Variants in AK9 observed in about 807,000 individuals in gnomAD.
The protein encoded by AK9 is adenylate kinase 9.
A neutral mutation model predicts 239.6 loss-of-function variants in AK9; 191 were observed. The observed-to-expected ratio is 0.80, with a 90% confidence interval of 0.71 to 0.90. The LOEUF (loss-of-function observed/expected upper bound fraction) is 0.90. Ranked by LOEUF, AK9 falls within the 40% of genes least tolerant of loss-of-function variation. AK9 has a pLI of 0.00. For synonymous variants in AK9, 689 were observed against 721.0 expected (o/e 0.96, Z 0.71); for missense variants, 1,995 against 2,214.7 (o/e 0.90, Z 1.99).
chr6:109,598,759 C>T (rs979223798), intron 17 of AK9, among the ~76,000 whole-genome samples: 17 of 152,214 alleles, frequency 1.1e-4, no homozygotes, highest in South Asian at 8.3e-4. Context: ...TTTTAATGAT[C>T]GCCATTCTAA....
intron 17 of AK9, among the ~76,000 whole-genome samples, chr6:109,591,164 G>A (rs1299877881): frequency 6.6e-6 from 1 of 151,842 alleles, no homozygotes; most frequent in African/African-American, 2.4e-5. Context: ...TCTTTTCTTA[G>A]GTCTAGTTGT....
chr6:109,588,261 G>A (rs1451769368), intron 17 of AK9, among the ~76,000 whole-genome samples: 1 of 152,018 alleles, frequency 6.6e-6, no homozygotes, highest in South Asian at 2.1e-4. Flanking sequence ...AGTAGAGACG[G>A]GGTTTCACCG....
chr6:109,569,762 T>C (rs1047396136), intron 21 of AK9, among the ~76,000 whole-genome samples: 1 of 152,074 alleles, frequency 6.6e-6, no homozygotes. Flanking sequence ...ATGGCAATCA[T>C]TAAAAAGTCA....
intron 5 of AK9, among the ~76,000 whole-genome samples, chr6:109,667,802 T>C (rs968721898): frequency 2.0e-5 from 3 of 152,216 alleles, no homozygotes; most frequent in Non-Finnish European, 4.4e-5. Flanking sequence ...CAGTCTATCA[T>C]CGTTGGACAT....
Position 109,529,023 on chromosome 6 carries a change from T to A in AK9, c.3621A>T (p.Lys1207Asn). 4 of 1,604,668 alleles carry A rather than the reference T, an allele frequency of 2.5e-6. No homozygotes were observed. Among genetic ancestry groups the A allele is most frequent in the Non-Finnish European group, 3.4e-6 (4 of 1,177,338 alleles). Residue 1207 changes from lysine (K) to asparagine (N), a missense_variant, in exon 29 of 41, where the codon AAA becomes AAT. Physicochemically the swap from Lys to Asn is moderately conservative, Grantham distance 94. Around this residue, in one of 5 missense-constraint regions of AK9, gnomAD observed 1,290 missense variants for 1,392.7 expected, o/e 0.93. Coordinates refer to ENST00000424296, the MANE Select transcript of AK9 (RefSeq NM_001145128.3). ...RRAELILERD[K>N]KRRENVVRDD... ...CAAAACTACTTACCTCCCTCCTTTT[T>A]TTATCTCTCTCTAATATAAGTTCAG...
chr6:109,608,127 A>T (rs1362275048), intron 17 of AK9, among the ~76,000 whole-genome samples: 1 of 151,922 alleles, frequency 6.6e-6, no homozygotes. Flanking sequence ...AAAATACAAA[A>T]AATTAGCCAG....
At chr6:109,583,608 C>G (rs1042219584) in intron 19 of AK9, among the ~76,000 whole-genome samples, 2 of 151,872 alleles carry the variant, frequency 1.3e-5, no homozygotes, top group African/African-American at 4.8e-5. Context: ...CATAGAAAAG[C>G]CTGCTTCAAT....
At chr6:109,600,460 C>G (rs558017126) in intron 17 of AK9, among the ~76,000 whole-genome samples, 1 of 152,050 alleles carries the variant, frequency 6.6e-6, no homozygotes, top group Admixed American at 6.6e-5. Context: ...CTTTTTCATG[C>G]GCTGTTGGAT....
chr6:109,601,103 T>C (rs1791886524), intron 17 of AK9, among the ~76,000 whole-genome samples: 1 of 152,242 alleles, frequency 6.6e-6, no homozygotes, highest in Non-Finnish European at 1.5e-5. Context: ...CTTTGTTATT[T>C]CTTGCCTTCT....
chr6:109,605,442 T>G (rs1329969756), intron 17 of AK9, among the ~76,000 whole-genome samples: 1 of 152,176 alleles, frequency 6.6e-6, no homozygotes, highest in East Asian at 1.9e-4. Context: ...TCTTGCTATT[T>G]TTTTTTCATC....
At chr6:109,564,375 A>T in intron 22 of AK9, 95 bp from the exon 23 acceptor site, 3 of 851,472 alleles carry the variant, frequency 3.5e-6, no homozygotes, top group Non-Finnish European at 5.2e-6. Context: ...CAATTTTTTT[A>T]AACAGTTAAA....
intron 9 of AK9, 105 bp downstream of exon 9, chr6:109,644,492 TTGTTCAAAGATAAATGG>T (rs1562540079): frequency 1.2e-6 from 1 of 802,868 alleles, no homozygotes; most frequent in African/African-American, 1.8e-5. Flanking sequence ...TTAAGACAGA[TTGTTCAAAGATAAATGG>T]TGTTCAAATA....
chr6:109,534,999 C>A (rs1781788016), intron 27 of AK9, among the ~76,000 whole-genome samples: 1 of 152,152 alleles, frequency 6.6e-6, no homozygotes, highest in South Asian at 2.1e-4. Flanking sequence ...TTAATCCAGT[C>A]TATCATTGAT....
At chr6:109,555,626 T>A (rs1784915706) in intron 24 of AK9, among the ~76,000 whole-genome samples, 1 of 152,194 alleles carries the variant, frequency 6.6e-6, no homozygotes, top group Non-Finnish European at 1.5e-5. Context: ...CTCCCACTAT[T>A]ATTGTGTGGG....
At chr6:109,602,465 CT>C (rs1792158831) in intron 17 of AK9, among the ~76,000 whole-genome samples, 1 of 152,214 alleles carries the variant, frequency 6.6e-6, no homozygotes, top group East Asian at 1.9e-4. Flanking sequence ...GTGGGCTTCT[CT>C]TTGTGGGTAA....
chr6:109,549,664 C>CTTTTTTTTTTTTTTTTTTTTTT (rs1196364045), intron 25 of AK9: 8 of 122,090 alleles, frequency 6.6e-5, no homozygotes, highest in Admixed American at 3.8e-4. Context: ...TAGATATTTT[C>CTTTTTTTTTTTTTTTTTTTTTT]TTTTTTTTTT....
chr6:109,612,879 A>G (rs983755912), intron 15 of AK9, among the ~76,000 whole-genome samples: 16 of 150,554 alleles, frequency 1.1e-4, no homozygotes, highest in African/African-American at 3.9e-4. Context: ...ATAAACTTAC[A>G]CAAATATATT....
At chr6:109,655,779 G>GACTA (rs1799615388) in intron 8 of AK9, among the ~76,000 whole-genome samples, 1 of 152,280 alleles carries the variant, frequency 6.6e-6, no homozygotes, top group Non-Finnish European at 1.5e-5. Context: ...GCCACTTAAG[G>GACTA]AGTAGTCAAG....
At chr6:109,540,476 A>G (rs1782725745) in intron 27 of AK9, among the ~76,000 whole-genome samples, 1 of 152,090 alleles carries the variant, frequency 6.6e-6, no homozygotes, top group African/African-American at 2.4e-5. Flanking sequence ...GGTGGGAGTG[A>G]CCCGATTTTC....
Sources: gnomAD v4.1 joint callset for allele counts (sites outside exome capture counted in the v4.1 genomes callset) on GRCh38, gnomAD v4.1.1 for gene constraint, gnomAD v4.1.1 regional missense constraint, MANE v1.5 for transcripts, NCBI Gene and HGNC (gene_info 2026-07-23, HGNC 2026-07-21) for gene names.